The following HACL2 variants were observed in gnomAD, a reference collection of about 807,000 sequenced individuals.
HACL2 encodes 2-hydroxyacyl-CoA lyase 1 like.
the HACL2 span, chr19:15,119,440 G>C: frequency 6.2e-7 from 1 of 1,614,168 alleles, no homozygotes; most frequent in Non-Finnish European, 8.5e-7. Flanking sequence ...GCAGACGTTG[G>C]GGTGAGCAGG....
the HACL2 span, chr19:15,124,870 G>A: frequency 6.4e-7 from 1 of 1,553,944 alleles, no homozygotes; most frequent in Admixed American, 2.0e-5. Context: ...GCAGCACCAC[G>A]AGGCCCCTCC....
At chr19:15,119,376 G>C in the HACL2 span, 1 of 1,612,862 alleles carries the variant, frequency 6.2e-7, no homozygotes, top group Non-Finnish European at 8.5e-7. Context: ...GAGGACTGGG[G>C]ACTGGGAACG....
the HACL2 span, chr19:15,115,908 A>G: frequency 2.6e-4 from 427 of 1,614,032 alleles, no homozygotes; most frequent in African/African-American, 2.0e-3. Flanking sequence ...TCCGTCCCCA[A>G]ACAGGCACCA....
chr19:15,121,152 C>T, the HACL2 span, among the ~76,000 whole-genome samples: 3 of 151,612 alleles, frequency 2.0e-5, no homozygotes, highest in East Asian at 2.0e-4. Flanking sequence ...CCAGCTACTC[C>T]GGGGGCTGAG....
chr19:15,122,419 TGGA>T, the HACL2 span, among the ~76,000 whole-genome samples: 8 of 151,720 alleles, frequency 5.3e-5, no homozygotes, highest in Non-Finnish European at 1.0e-4. The surrounding 1 kb of genome is among the most constrained non-coding windows in gnomAD (Gnocchi z 4.0). Flanking sequence ...GAAGAGATGA[TGGA>T]GGAGGAGAAG....
At chr19:15,116,409 G>A in the HACL2 span, 178 of 1,613,958 alleles carry the variant, frequency 1.1e-4, 1 homozygote, top group Middle Eastern at 8.3e-4. Flanking sequence ...AGGCCCCACC[G>A]AAAGGTCTGC....
the HACL2 span, chr19:15,122,978 C>A: frequency 5.0e-6 from 8 of 1,603,532 alleles, no homozygotes; most frequent in Middle Eastern, 1.6e-4. This position sits in a 1 kb window ranked among gnomAD's most constrained non-coding sequence, Gnocchi z 4.0. Flanking sequence ...ACAAAACTTA[C>A]AGAGTGGCCG....
At chr19:15,123,194 C>T in the HACL2 span, 14 of 1,614,012 alleles carry the variant, frequency 8.7e-6, no homozygotes, top group Admixed American at 1.7e-5. The surrounding 1 kb of genome is among the most constrained non-coding windows in gnomAD (Gnocchi z 5.1). Context: ...CCGCAGTCAC[C>T]GTGTTGGTGA....
At chr19:15,115,345 G>A in the HACL2 span, 149 of 1,614,104 alleles carry the variant, frequency 9.2e-5, 2 homozygotes, top group African/African-American at 1.7e-3. Context: ...GCTGGGCATC[G>A]TGCAGCACCT....
the HACL2 span, chr19:15,115,273 G>T: frequency 6.2e-7 from 1 of 1,614,028 alleles, no homozygotes; most frequent in Non-Finnish European, 8.5e-7. Context: ...TGGAGCCATC[G>T]CGGAAGTCCG....
At chr19:15,125,250 C>G in the HACL2 span, 3 of 636,846 alleles carry the variant, frequency 4.7e-6, no homozygotes, top group Non-Finnish European at 8.1e-6. Context: ...TGAAGCCATG[C>G]CTCTCCGTGA....
the HACL2 span, chr19:15,119,653 C>T: frequency 2.8e-5 from 21 of 741,754 alleles, no homozygotes; most frequent in East Asian, 8.3e-5. Flanking sequence ...CAGGTTCAAA[C>T]GATTCTCCCG....
chr19:15,123,077 G>GC, the HACL2 span: 61 of 1,610,812 alleles, frequency 3.8e-5, no homozygotes, highest in Middle Eastern at 3.3e-4. This position sits in a 1 kb window ranked among gnomAD's most constrained non-coding sequence, Gnocchi z 5.1. Flanking sequence ...AGCCCTTCAA[G>GC]CCCCCCTAGG....
the HACL2 span, chr19:15,120,072 C>A: frequency 6.5e-7 from 1 of 1,546,566 alleles, no homozygotes; most frequent in Non-Finnish European, 8.7e-7. Flanking sequence ...CCAGGTAATT[C>A]TCTAAATACC....
chr19:15,116,383 C>G, the HACL2 span: 1 of 1,613,950 alleles, frequency 6.2e-7, no homozygotes, highest in Non-Finnish European at 8.5e-7. Context: ...ACCCCCTTCC[C>G]ACATCCACTC....
chr19:15,123,496 C>G, the HACL2 span: 1 of 1,614,182 alleles, frequency 6.2e-7, no homozygotes, highest in East Asian at 2.2e-5. The surrounding 1 kb of genome is among the most constrained non-coding windows in gnomAD (Gnocchi z 5.1). Context: ...CACCGACCAG[C>G]GTGAAGATGA....
the HACL2 span, chr19:15,115,031 AAG>A: frequency 1.9e-5 from 12 of 617,488 alleles, no homozygotes; most frequent in Admixed American, 2.4e-4. Context: ...CAGTCTCCAT[AAG>A]AGAGGGGACA....
chr19:15,120,074 C>A, the HACL2 span: 1 of 1,546,394 alleles, frequency 6.5e-7, no homozygotes, highest in South Asian at 1.2e-5. Context: ...AGGTAATTCT[C>A]TAAATACCTG....
chr19:15,122,724 G>A, the HACL2 span: 2,331 of 1,614,064 alleles, frequency 1.4e-3, 34 homozygotes, highest in African/African-American at 0.027. The surrounding 1 kb of genome is among the most constrained non-coding windows in gnomAD (Gnocchi z 4.0). Context: ...AGGCCCTTGG[G>A]TGGCTTGGCT....
Sources: gnomAD v4.1 joint callset for allele counts (sites outside exome capture counted in the v4.1 genomes callset) on GRCh38, gnomAD v4.1.1 for gene constraint, Gnocchi (gnomAD v3.1) non-coding constraint, MANE v1.5 for transcripts, NCBI Gene and HGNC (gene_info 2026-07-23, HGNC 2026-07-21) for gene names.